The following BMP2K variants were observed in gnomAD, a reference collection of about 807,000 sequenced individuals.
The protein encoded by BMP2K is BMP2 inducible kinase.
BMP2K carries 74 observed loss-of-function variants against 116.0 expected under a neutral mutation model. The observed-to-expected ratio is 0.64, with a 90% CI of 0.53 to 0.77. BMP2K has a LOEUF of 0.77. Ranked by LOEUF, BMP2K falls within the 30% of genes least tolerant of loss-of-function variation. The pLI, the probability that BMP2K is intolerant of heterozygous loss-of-function variation, is 0.00. For missense variants in BMP2K, 1,365 were observed against 1,403.6 expected (o/e 0.97, Z 0.44); for synonymous variants, 486 against 502.5 (o/e 0.97, Z 0.44).
chr4:78,880,805 A>G (rs527458099), intron 14 of BMP2K, among the ~76,000 whole-genome samples: 1 of 152,352 alleles, frequency 6.6e-6, no homozygotes, highest in Non-Finnish European at 1.5e-5. Context: ...TAAATTGTGC[A>G]TGTGTCTGTG....
chr4:78,834,519 C>T (rs1436066071), intron 3 of BMP2K, among the ~76,000 whole-genome samples: 1 of 152,134 alleles, frequency 6.6e-6, no homozygotes, highest in East Asian at 1.9e-4. Flanking sequence ...CCTCAGCCTC[C>T]CAAAGTGCTG....
chr4:78,784,414 A>G (rs923236892), intron 1 of BMP2K, among the ~76,000 whole-genome samples: 2 of 152,114 alleles, frequency 1.3e-5, no homozygotes, highest in Non-Finnish European at 2.9e-5. Flanking sequence ...ACAGCCTGCT[A>G]TTTTTAGGGG....
chr4:78,790,115 T>C (rs1727926529), intron 1 of BMP2K, among the ~76,000 whole-genome samples: 1 of 152,254 alleles, frequency 6.6e-6, no homozygotes, highest in Admixed American at 6.5e-5. Flanking sequence ...TAAATTCCTA[T>C]GATATTATAA....
At chr4:78,893,350 C>T (rs1454674150) in intron 15 of BMP2K, among the ~76,000 whole-genome samples, 1 of 152,224 alleles carries the variant, frequency 6.6e-6, no homozygotes, top group Admixed American at 6.5e-5. Flanking sequence ...ACTTCCTTCA[C>T]TGAAATCTTA....
chr4:78,852,325 T>C (rs1054363717), intron 7 of BMP2K, among the ~76,000 whole-genome samples: 4 of 152,162 alleles, frequency 2.6e-5, no homozygotes, highest in African/African-American at 9.6e-5. Context: ...TTAGTTTTTA[T>C]CATTGCTAGT....
intron 9 of BMP2K, 30 bp downstream of exon 9, chr4:78,861,498 G>C (rs370350603): frequency 6.5e-7 from 1 of 1,538,826 alleles, no homozygotes; most frequent in South Asian, 1.2e-5. Context: ...AATTGAAAAG[G>C]CATTAAAAAA....
At chr4:78,876,453 A>G (rs762506722) in intron 13 of BMP2K, among the ~76,000 whole-genome samples, 16 of 152,178 alleles carry the variant, frequency 1.1e-4, no homozygotes, top group Non-Finnish European at 2.2e-4. Flanking sequence ...GTAACTTACT[A>G]TTTATTTTCC....
At chr4:78,818,797 T>G (rs1210667250) in intron 1 of BMP2K, among the ~76,000 whole-genome samples, 6 of 151,622 alleles carry the variant, frequency 4.0e-5, no homozygotes, top group Non-Finnish European at 5.9e-5. Flanking sequence ...AGTGTTTTTT[T>G]TTTTTTTTTT....
At chr4:78,886,793 C>T (rs187480162) in intron 14 of BMP2K, among the ~76,000 whole-genome samples, 195 of 152,212 alleles carry the variant, frequency 1.3e-3, no homozygotes, top group African/African-American at 4.5e-3. Context: ...GGATGAATGA[C>T]CATTTGCAAG....
intron 1 of BMP2K, among the ~76,000 whole-genome samples, chr4:78,786,126 A>AT (rs1341061315): frequency 2.6e-5 from 4 of 152,038 alleles, no homozygotes; most frequent in African/African-American, 7.2e-5. Context: ...TCCTCCCGCA[A>AT]TTCATATGTT....
rs751314475 is a variant in BMP2K, at chr4:78,861,379, T to C, written c.988-10T>C. The C allele has an allele frequency of 3.2e-6, 5 of 1,583,082 alleles. No homozygotes were observed. Among genetic ancestry groups the C allele is most frequent in the Non-Finnish European group, 4.3e-6 (5 of 1,166,076 alleles). On this transcript the variant is annotated splice_polypyrimidine_tract_variant and intron_variant, in intron 8 of 15. Coordinates refer to ENST00000502613, the MANE Select transcript of BMP2K (RefSeq NM_198892.2). ...ACTAAAATGAGACGTTTTATTTTTT[T>C]TCTTCCAAGAATTCTTCTATTCCTT...
chr4:78,845,975 G>T (rs374017405), intron 5 of BMP2K, among the ~76,000 whole-genome samples: 1 of 151,568 alleles, frequency 6.6e-6, no homozygotes, highest in East Asian at 1.9e-4. Context: ...AATATATAAA[G>T]TCCTGAAGAA....
At chr4:78,849,406 A>G (rs968607441) in intron 6 of BMP2K, among the ~76,000 whole-genome samples, 5 of 151,546 alleles carry the variant, frequency 3.3e-5, no homozygotes, top group African/African-American at 7.2e-5. Flanking sequence ...TTAGATTTAT[A>G]TATTTTTAAA....
intron 15 of BMP2K, among the ~76,000 whole-genome samples, chr4:78,902,839 A>C (rs1434523871): frequency 1.3e-5 from 2 of 152,068 alleles, no homozygotes; most frequent in Non-Finnish European, 2.9e-5. Flanking sequence ...ATATTTTCTA[A>C]ATATTTTGAA....
chr4:78,796,221 A>T (rs1315245449), intron 1 of BMP2K, among the ~76,000 whole-genome samples: 3 of 152,040 alleles, frequency 2.0e-5, no homozygotes, highest in Non-Finnish European at 4.4e-5. Context: ...ATAAAAAATG[A>T]TGAGGTCCTT....
At chr4:78,832,526 T>A (rs988073789) in intron 2 of BMP2K, among the ~76,000 whole-genome samples, 1 of 152,164 alleles carries the variant, frequency 6.6e-6, no homozygotes, top group Non-Finnish European at 1.5e-5. Context: ...CATTTACTTT[T>A]GTACAGTTAA....
At chr4:78,909,637 T>G (rs372672155) in intron 15 of BMP2K, among the ~76,000 whole-genome samples, 22 of 152,296 alleles carry the variant, frequency 1.4e-4, no homozygotes, top group African/African-American at 4.8e-4. Context: ...CAGCTTATCC[T>G]TTGCATGGCT....
chr4:78,865,333 T>C (rs1036815972), intron 9 of BMP2K, among the ~76,000 whole-genome samples: 1 of 152,216 alleles, frequency 6.6e-6, no homozygotes, highest in Non-Finnish European at 1.5e-5. Context: ...AGTAGGAGAT[T>C]ATGAATGGTT....
At chr4:78,783,868 G>A (rs1727616386) in intron 1 of BMP2K, among the ~76,000 whole-genome samples, 1 of 151,992 alleles carries the variant, frequency 6.6e-6, no homozygotes, top group South Asian at 2.1e-4. Context: ...GTACAAACAT[G>A]CCAAATATCT....
Sources: gnomAD v4.1 joint callset for allele counts (sites outside exome capture counted in the v4.1 genomes callset) on GRCh38, gnomAD v4.1.1 for gene constraint, MANE v1.5 for transcripts, NCBI Gene and HGNC (gene_info 2026-07-23, HGNC 2026-07-21) for gene names.